Variants in ADGRL3 observed in about 807,000 individuals in gnomAD.
The protein encoded by ADGRL3 is calcium-independent alpha-latrotoxin receptor 3.
In ADGRL3, 62 loss-of-function variants were observed where a neutral mutation model predicts 153.5. The observed-to-expected ratio is 0.40, with a 90% CI of 0.33 to 0.50. The LOEUF (loss-of-function observed/expected upper bound fraction) is 0.50, where lower values mean the gene tolerates loss of function less well. Ranked by LOEUF, ADGRL3 falls within the 20% of genes least tolerant of loss-of-function variation. ADGRL3 has a pLI of 0.47. For missense variants in ADGRL3, 1,641 were observed against 1,859.4 expected (o/e 0.88, Z 2.16); for synonymous variants, 710 against 672.5 (o/e 1.06, Z -0.86).
chr4:61,794,483 A>G (rs2097383217), intron 8 of ADGRL3, among the ~76,000 whole-genome samples: 1 of 152,244 alleles, frequency 6.6e-6, no homozygotes, highest in Admixed American at 6.5e-5. Flanking sequence ...AAGTTAATCT[A>G]AGAAGAAAAC....
At chr4:61,952,201 C>T (rs900604733) in intron 17 of ADGRL3, among the ~76,000 whole-genome samples, 2 of 151,996 alleles carry the variant, frequency 1.3e-5, no homozygotes, top group African/African-American at 4.8e-5. Context: ...CCAGACCAGG[C>T]GTGGTGGCTT....
intron 9 of ADGRL3, among the ~76,000 whole-genome samples, chr4:61,817,397 C>T (rs2097700850): frequency 6.6e-6 from 1 of 152,180 alleles, no homozygotes; most frequent in Admixed American, 6.5e-5. Flanking sequence ...TTGGCATGCA[C>T]TTCCACCCTT....
At chr4:61,536,769 T>G (rs929083277) in intron 4 of ADGRL3, among the ~76,000 whole-genome samples, 3 of 152,130 alleles carry the variant, frequency 2.0e-5, no homozygotes, top group African/African-American at 7.2e-5. Flanking sequence ...TTTGAACCTG[T>G]GGATGTCATT....
At chr4:61,237,089 T>C (rs1753137125) in intron 1 of ADGRL3, among the ~76,000 whole-genome samples, 2 of 152,190 alleles carry the variant, frequency 1.3e-5, no homozygotes, top group Admixed American at 6.6e-5. Context: ...TTATGGTTGT[T>C]GCAGCAAGAG....
At chr4:61,760,121 A>AG (rs1423792504) in intron 8 of ADGRL3, among the ~76,000 whole-genome samples, 2 of 152,154 alleles carry the variant, frequency 1.3e-5, no homozygotes, top group African/African-American at 4.8e-5. Flanking sequence ...GACCCACTTG[A>AG]GGCAGTCTGT....
chr4:61,896,259 A>T (rs1254848983), intron 11 of ADGRL3, among the ~76,000 whole-genome samples: 1 of 151,152 alleles, frequency 6.6e-6, no homozygotes, highest in Non-Finnish European at 1.5e-5. Context: ...ATAAAAATAT[A>T]CACATGTGTG....
At chr4:61,707,196 G>A (rs2095871547) in intron 6 of ADGRL3, among the ~76,000 whole-genome samples, 2 of 152,126 alleles carry the variant, frequency 1.3e-5, no homozygotes, top group Non-Finnish European at 2.9e-5. Context: ...AATTAAAATA[G>A]TTACATCAAG....
Position 61,293,663 on chromosome 4 carries a change from C to T in ADGRL3, c.-239-89461C>T, listed in dbSNP as rs138022449. Among the ~76,000 whole-genome samples, 473 of 152,274 alleles carry T rather than the reference C, an allele frequency of 3.1e-3. 3 individuals are homozygous for T. The highest frequency in any genetic ancestry group is 0.011 in the African/African-American group (451 of 41,556). ...GATGACAGTGTTTTGATTAATGCTA[C>T]ATTTGCTGATAATACATAGAATAAA... On this transcript the variant is annotated intron_variant, in intron 1 of 26. Transcript: ENST00000683033.
At chr4:61,318,310 G>A (rs2095278603) in intron 1 of ADGRL3, among the ~76,000 whole-genome samples, 1 of 151,746 alleles carries the variant, frequency 6.6e-6, no homozygotes, top group Non-Finnish European at 1.5e-5. Flanking sequence ...CAACTTTGGA[G>A]GAAGACTCAT....
chr4:61,849,533 T>C (rs2098176526), intron 9 of ADGRL3, among the ~76,000 whole-genome samples: 1 of 152,072 alleles, frequency 6.6e-6, no homozygotes, highest in South Asian at 2.1e-4. Flanking sequence ...TTTTCTCCCA[T>C]TGAGCCCAAG....
intron 9 of ADGRL3, among the ~76,000 whole-genome samples, chr4:61,818,679 C>G (rs1429233066): frequency 6.6e-6 from 1 of 152,102 alleles, no homozygotes. Context: ...GTCATTTCTG[C>G]TTGATATCTA....
At chr4:61,582,103 AACAG>A (rs2098928330) in intron 4 of ADGRL3, among the ~76,000 whole-genome samples, 1 of 152,076 alleles carries the variant, frequency 6.6e-6, no homozygotes, top group Admixed American at 6.6e-5. Flanking sequence ...AATTGTAGCA[AACAG>A]ACAAATAGGG....
intron 25 of ADGRL3, among the ~76,000 whole-genome samples, chr4:62,052,187 A>G (rs1436547600): frequency 6.6e-6 from 1 of 151,718 alleles, no homozygotes; most frequent in Admixed American, 6.6e-5. Context: ...CTTTCAGACC[A>G]CAAAGCCCTA....
Position 61,291,175 on chromosome 4 carries a change from TACACAC to T in ADGRL3, c.-240+89447_-240+89452del, listed in dbSNP as rs68037459. ...AGGCCTAAGATTTTGCCTGGATCAA[TACACAC>T]ACACACACACACACACACACACACA... On this transcript the variant is annotated intron_variant, in intron 1 of 26. Transcript: ENST00000683033. Among the ~76,000 whole-genome samples, 1,285 of 135,470 alleles carry T rather than the reference TACACAC, an allele frequency of 9.5e-3. 21 individuals are homozygous for T. The highest frequency in any genetic ancestry group is 0.027 in the African/African-American group (926 of 34,460). 88.9% of individuals were successfully genotyped at this position (135,470 alleles called of 152,430 possible).
At chr4:61,211,169 C>G (rs1199041877) in intron 1 of ADGRL3, among the ~76,000 whole-genome samples, 1 of 152,096 alleles carries the variant, frequency 6.6e-6, no homozygotes, top group Non-Finnish European at 1.5e-5. Flanking sequence ...GCAAAGACGC[C>G]TCCAGCTAGC....
At chr4:61,290,824 T>G (rs1269557113) in intron 1 of ADGRL3, among the ~76,000 whole-genome samples, 2 of 152,118 alleles carry the variant, frequency 1.3e-5, no homozygotes, top group Non-Finnish European at 2.9e-5. Flanking sequence ...CCAGGTTGAC[T>G]ACTGATTAAT....
intron 3 of ADGRL3, among the ~76,000 whole-genome samples, chr4:61,505,416 T>C (rs2098421483): frequency 6.6e-6 from 1 of 152,136 alleles, no homozygotes; most frequent in Non-Finnish European, 1.5e-5. Context: ...AAATTAATAA[T>C]TGTCCATAAT....
chr4:61,374,238 C>G (rs999524800), intron 1 of ADGRL3, among the ~76,000 whole-genome samples: 2 of 152,072 alleles, frequency 1.3e-5, no homozygotes, highest in Non-Finnish European at 2.9e-5. Context: ...TAACTATTTC[C>G]AAAGTTCTTT....
Position 61,733,016 on chromosome 4 carries a change from C to T in ADGRL3, c.861C>T (p.Phe287=). The T allele has an allele frequency of 6.2e-7, 1 of 1,613,704 alleles. No homozygotes were observed. Among genetic ancestry groups the T allele is most frequent in the Non-Finnish European group, 8.5e-7 (1 of 1,179,822 alleles). ...TTGTAGTGTATGATGGAGCTTTGTTCTTCAACAAAGAGCGCACCAGGAACA... is the reference window on the plus strand; with the variant it reads ...TTGTAGTGTATGATGGAGCTTTGTTTTTCAACAAAGAGCGCACCAGGAACA... ...TGFVVYDGAL[F]FNKERTRNIV... The change falls in exon 8 of 27, where the codon TTC becomes TTT. Residue 287 remains phenylalanine (F), a synonymous_variant. Transcript: ENST00000683033.
Sources: gnomAD v4.1 joint callset for allele counts (sites outside exome capture counted in the v4.1 genomes callset) on GRCh38, gnomAD v4.1.1 for gene constraint, MANE v1.5 for transcripts, NCBI Gene and HGNC (gene_info 2026-07-23, HGNC 2026-07-21) for gene names.